Variants in ADGRB3 observed in about 807,000 individuals in gnomAD.
ADGRB3 encodes brain-specific angiogenesis inhibitor 3.
In ADGRB3, 37 loss-of-function variants were observed where a neutral mutation model predicts 193.4. That is an observed-to-expected ratio of 0.19 (90% CI 0.15 to 0.25). ADGRB3 has a LOEUF of 0.25. Ranked by LOEUF, ADGRB3 falls within the 10% of genes least tolerant of loss-of-function variation. The pLI is 1.00. For synonymous variants in ADGRB3, 690 were observed against 644.2 expected (o/e 1.07, Z -1.08); for missense variants, 1,637 against 1,852.9 (o/e 0.88, Z 2.14).
rs61114782 is a variant in ADGRB3 at position 69,106,164 on chromosome 6, T to TA, written c.2480+30145dup. ...ACAGGCTTTTTCTGTGAGACTGCGT[T>TA]AAAAAAAAAAAAAAAAAAAGAAAAG... On this transcript the variant is annotated intron_variant, in intron 17 of 31. Coordinates refer to ENST00000370598, the MANE Select transcript of ADGRB3 (RefSeq NM_001704.3). 8.1e-3 allele frequency among the ~76,000 whole-genome samples: 735 copies of TA among 91,058 alleles called. 18 individuals carry two copies. The highest frequency in any genetic ancestry group is 0.022 in the African/African-American group (514 of 23,864). 59.7% of individuals were successfully genotyped at this position (91,058 alleles called of 152,430 possible). A position where few individuals can be genotyped will look rare whatever the true frequency, so the allele number is the denominator to read the frequency against.
chr6:69,379,634 G>A (rs955093234), intron 30 of ADGRB3, among the ~76,000 whole-genome samples: 5 of 151,904 alleles, frequency 3.3e-5, no homozygotes, highest in African/African-American at 9.7e-5. Flanking sequence ...AAGGCTGGAC[G>A]ATCTACTTGA....
chr6:68,985,086 A>G (rs552909137), intron 10 of ADGRB3, among the ~76,000 whole-genome samples: 1 of 147,926 alleles, frequency 6.8e-6, no homozygotes, highest in African/African-American at 2.4e-5. Context: ...GAAGTCTGAA[A>G]TACAGAATTT....
chr6:68,696,452 T>C (rs915149737), intron 3 of ADGRB3, among the ~76,000 whole-genome samples: 1 of 151,742 alleles, frequency 6.6e-6, no homozygotes, highest in Non-Finnish European at 1.5e-5. Context: ...TATGGGATTT[T>C]GCACAACCTA....
At chr6:68,779,397 CA>C (rs1766812919) in intron 3 of ADGRB3, among the ~76,000 whole-genome samples, 1 of 151,262 alleles carries the variant, frequency 6.6e-6, no homozygotes, top group South Asian at 2.1e-4. Flanking sequence ...GAGAAGCACA[CA>C]GTTTCCATAT....
rs757755457 is a variant in ADGRB3 at position 69,048,369 on chromosome 6, C to T, written c.2257+35C>T. On this transcript the variant is annotated intron_variant, in intron 14 of 31. Coordinates refer to ENST00000370598, the MANE Select transcript of ADGRB3 (RefSeq NM_001704.3). ...TGAAATAATATGAGCTTGAACAAGA[C>T]ATTTTTGATAAGGTCATTTAATTAG... is the stretch of plus-strand genomic sequence containing the variant. The T allele has an allele frequency of 1.9e-6, 3 of 1,584,256 alleles. No individual in the cohort carries two copies. In the East Asian group the frequency reaches 6.8e-5, roughly 36 times the overall value.
At chr6:69,328,362 T>G (rs772553681) in intron 22 of ADGRB3, among the ~76,000 whole-genome samples, 2 of 152,118 alleles carry the variant, frequency 1.3e-5, no homozygotes, top group Non-Finnish European at 2.9e-5. Flanking sequence ...GATTTTACAT[T>G]AGAAAATACT....
intron 26 of ADGRB3, among the ~76,000 whole-genome samples, chr6:69,348,493 CA>C (rs5877205): frequency 0.012 from 1,422 of 114,846 alleles, 44 homozygotes; most frequent in Admixed American, 0.089. Flanking sequence ...CTAAAAAATG[CA>C]AAAAAAAAAA....
At chr6:68,830,808 A>G (rs889232175) in intron 3 of ADGRB3, among the ~76,000 whole-genome samples, 1 of 152,070 alleles carries the variant, frequency 6.6e-6, no homozygotes, top group Non-Finnish European at 1.5e-5. Context: ...ACTCTGGAGC[A>G]TGGGTCAGGG....
intron 17 of ADGRB3, among the ~76,000 whole-genome samples, chr6:69,126,579 C>G (rs1057268479): frequency 6.6e-6 from 1 of 152,170 alleles, no homozygotes; most frequent in African/African-American, 2.4e-5. Context: ...AGAGAATTCA[C>G]CTTTTCTGTT....
chr6:68,897,814 G>C (rs1374248560), intron 3 of ADGRB3, among the ~76,000 whole-genome samples: 1 of 144,124 alleles, frequency 6.9e-6, no homozygotes. Flanking sequence ...AAAGAAAGAA[G>C]AAAAGGAAGG....
intron 3 of ADGRB3, among the ~76,000 whole-genome samples, chr6:68,657,512 G>T (rs950568174): frequency 4.0e-5 from 6 of 151,360 alleles, no homozygotes; most frequent in Admixed American, 1.3e-4. Flanking sequence ...CTACAGATTG[G>T]TGTCTGTCCT....
intron 3 of ADGRB3, among the ~76,000 whole-genome samples, chr6:68,802,363 A>G (rs748049772): frequency 9.2e-5 from 14 of 152,104 alleles, no homozygotes; most frequent in Non-Finnish European, 1.8e-4. Flanking sequence ...ATAAAATGTT[A>G]TATTATAGAT....
chr6:69,084,494 T>A (rs948579385), intron 17 of ADGRB3, among the ~76,000 whole-genome samples: 3 of 152,186 alleles, frequency 2.0e-5, no homozygotes, highest in Non-Finnish European at 4.4e-5. Context: ...GCCAGTGATA[T>A]CTAGATTACT....
intron 20 of ADGRB3, among the ~76,000 whole-genome samples, chr6:69,315,304 A>G (rs1321654598): frequency 6.6e-6 from 1 of 151,518 alleles, no homozygotes; most frequent in African/African-American, 2.4e-5. Context: ...TCTCCTTTGT[A>G]AAATATTTCC....
intron 3 of ADGRB3, among the ~76,000 whole-genome samples, chr6:68,645,623 T>C (rs1768191554): frequency 6.6e-6 from 1 of 152,138 alleles, no homozygotes; most frequent in African/African-American, 2.4e-5. Flanking sequence ...CTAAATGAGA[T>C]TGCTTGTATG....
intron 6 of ADGRB3, among the ~76,000 whole-genome samples, chr6:68,950,585 T>C (rs903588851): frequency 6.6e-6 from 1 of 152,206 alleles, no homozygotes; most frequent in African/African-American, 2.4e-5. Flanking sequence ...ACACCCAGAT[T>C]GTTGAACACT....
chr6:69,306,752 G>A (rs1226020589), intron 20 of ADGRB3, among the ~76,000 whole-genome samples: 1 of 151,452 alleles, frequency 6.6e-6, no homozygotes, highest in African/African-American at 2.4e-5. Context: ...TATGTGGTGG[G>A]GAGTGAGGAG....
intron 3 of ADGRB3, among the ~76,000 whole-genome samples, chr6:68,667,817 T>G (rs780196498): frequency 7.0e-4 from 107 of 151,874 alleles, no homozygotes; most frequent in Non-Finnish European, 3.5e-4. Flanking sequence ...TGGCCACTGG[T>G]ACACTGAAAA....
At chr6:69,110,484 A>C (rs1773338648) in intron 17 of ADGRB3, among the ~76,000 whole-genome samples, 1 of 152,196 alleles carries the variant, frequency 6.6e-6, no homozygotes, top group Non-Finnish European at 1.5e-5. Context: ...CTTACTATAA[A>C]AAATGTTTAA....
Sources: gnomAD v4.1 joint callset for allele counts (sites outside exome capture counted in the v4.1 genomes callset) on GRCh38, gnomAD v4.1.1 for gene constraint, MANE v1.5 for transcripts, NCBI Gene and HGNC (gene_info 2026-07-23, HGNC 2026-07-21) for gene names.